The following FAM13B variants were observed in gnomAD, a reference collection of about 807,000 sequenced individuals.
FAM13B encodes family with sequence similarity 13 member B.
FAM13B carries 60 observed loss-of-function variants against 117.3 expected under a neutral mutation model. The ratio of observed to expected loss-of-function variants is 0.51; its 90% CI spans 0.42 to 0.63. The LOEUF is 0.63. FAM13B is among the 30% of genes least tolerant of loss of function. The pLI, the probability that FAM13B is intolerant of heterozygous loss-of-function variation, is 0.00. For synonymous variants in FAM13B, 332 were observed against 356.1 expected (o/e 0.93, Z 0.76); for missense variants, 972 against 1,091.9 (o/e 0.89, Z 1.55).
chr5:138,031,065 T>C (rs1789858194), intron 1 of FAM13B, among the ~76,000 whole-genome samples: 2 of 152,072 alleles, frequency 1.3e-5, no homozygotes, highest in South Asian at 4.1e-4. Context: ...TACACTATTA[T>C]AGTCCCCAAA....
upstream of FAM13B, among the ~76,000 whole-genome samples, chr5:138,037,813 C>T (rs17171718): frequency 0.12 from 18,072 of 152,046 alleles, 1,854 homozygotes; most frequent in East Asian, 0.57. Context: ...GCCAGAAAAG[C>T]CAAAAAGATA....
intron 10 of FAM13B, among the ~76,000 whole-genome samples, chr5:137,963,539 T>G (rs1768768455): frequency 1.3e-5 from 2 of 152,222 alleles, no homozygotes; most frequent in South Asian, 4.1e-4. Context: ...CTTTGGGATC[T>G]TCAATATTTT....
intron 13 of FAM13B, among the ~76,000 whole-genome samples, chr5:137,958,197 C>T (rs1056070014): frequency 6.6e-6 from 1 of 152,238 alleles, no homozygotes; most frequent in East Asian, 1.9e-4. Flanking sequence ...TAATCTTCAA[C>T]TGCCACCAGT....
intron 10 of FAM13B, among the ~76,000 whole-genome samples, chr5:137,984,736 G>A (rs4327592): frequency 0.98 from 149,244 of 152,188 alleles, 73,247 homozygotes; most frequent in Middle Eastern, 1. Context: ...CTGACATCAT[G>A]ATTTCTAGGA....
intron 3 of FAM13B, 129 bp downstream of exon 3, chr5:138,018,826 A>G (rs1323509844): frequency 1.3e-6 from 1 of 752,094 alleles, no homozygotes; most frequent in Non-Finnish European, 2.1e-6. Context: ...AACATTAAAA[A>G]GAATTTCTAG....
intron 7 of FAM13B, among the ~76,000 whole-genome samples, chr5:138,006,161 T>G (rs1782513877): frequency 6.6e-6 from 1 of 152,122 alleles, no homozygotes. Context: ...CCTCCCAAAG[T>G]GCTGAGATTA....
intron 13 of FAM13B, among the ~76,000 whole-genome samples, chr5:137,959,126 C>T (rs538330282): frequency 6.6e-6 from 1 of 152,276 alleles, no homozygotes; most frequent in Admixed American, 6.5e-5. Context: ...GTCCCCTGCA[C>T]CATACCTTCA....
At chr5:137,948,733 T>C (rs1764109937) in intron 18 of FAM13B, among the ~76,000 whole-genome samples, 1 of 152,194 alleles carries the variant, frequency 6.6e-6, no homozygotes, top group Non-Finnish European at 1.5e-5. Flanking sequence ...CCAACATAAA[T>C]GAACTCATCA....
intron 7 of FAM13B, 147 bp downstream of exon 7, chr5:138,006,843 C>A: frequency 1.5e-6 from 1 of 668,002 alleles, no homozygotes; most frequent in South Asian, 3.2e-5. Flanking sequence ...AGCAAGACTG[C>A]ATCTTTAAAT....
intron 6 of FAM13B, among the ~76,000 whole-genome samples, chr5:138,008,235 G>A (rs901991130): frequency 6.6e-6 from 1 of 152,116 alleles, no homozygotes; most frequent in Non-Finnish European, 1.5e-5. Context: ...GAACCCAGGA[G>A]TTCCAGACCA....
chr5:137,968,059 T>C (rs1467163552), intron 10 of FAM13B, among the ~76,000 whole-genome samples: 1 of 151,372 alleles, frequency 6.6e-6, no homozygotes, highest in Non-Finnish European at 1.5e-5. Context: ...CCGTCTCTAC[T>C]AAAAATACAA....
chr5:138,046,839 C>T lies in FAM13B; in HGVS notation c.-203+5039G>A, dbSNP rs374316990. ...TCAGCTCACTGCAATCTCTGCCTCC[C>T]GGGTTCAAGGAATTCTCTGCCTCAG... On this transcript the variant is annotated intron_variant, in intron 1 of 3. Transcript: ENST00000502471. Among the ~76,000 whole-genome samples the T allele has an allele frequency of 6.4e-4, 98 of 152,132 alleles. 2 individuals carry two copies. The East Asian group carries it at 0.016, about 25-fold the overall frequency.
chr5:138,030,570 G>A (rs1323216511), intron 1 of FAM13B, among the ~76,000 whole-genome samples: 1 of 151,958 alleles, frequency 6.6e-6, no homozygotes, highest in Admixed American at 6.6e-5. Context: ...TTCATTTTGT[G>A]TTTGTTTAAT....
At chr5:138,011,589 T>G (rs1784035688) in intron 5 of FAM13B, among the ~76,000 whole-genome samples, 179 bp downstream of exon 5, 1 of 152,044 alleles carries the variant, frequency 6.6e-6, no homozygotes, top group Non-Finnish European at 1.5e-5. Context: ...CCAGCTAGTT[T>G]TTTTATTTTT....
intron 7 of FAM13B, among the ~76,000 whole-genome samples, chr5:137,988,814 C>T (rs1301032046): frequency 2.0e-5 from 3 of 152,204 alleles, no homozygotes; most frequent in African/African-American, 4.8e-5. Context: ...GAGCACCTCT[C>T]ACAGATGATG....
At chr5:138,013,753 C>T (rs1784609080) in intron 4 of FAM13B, among the ~76,000 whole-genome samples, 2 of 152,066 alleles carry the variant, frequency 1.3e-5, no homozygotes, top group Admixed American at 1.3e-4. Context: ...TTATAGAAAT[C>T]ACATATCAAA....
chr5:137,940,088 A>G lies in FAM13B; in HGVS notation c.*137T>C. 6.2e-7 allele frequency: 1 copy of G among 1,614,138 alleles called. No individual in the cohort carries two copies. Among genetic ancestry groups the G allele is most frequent in the African/African-American group, 1.3e-5 (1 of 75,058 alleles). On this transcript the variant is annotated 3_prime_UTR_variant, in exon 24 of 24. Coordinates refer to ENST00000689681, the MANE Select transcript of FAM13B (RefSeq NM_001385994.1). Reference sequence around the variant, plus strand: ...TACTCTCCCATCATTTGTTTTGTTTAGTGGCACCACAACCAAGTACAAAAT... The same window carrying G: ...TACTCTCCCATCATTTGTTTTGTTTGGTGGCACCACAACCAAGTACAAAAT...
intron 9 of FAM13B, among the ~76,000 whole-genome samples, chr5:137,986,600 A>T (rs1006514347): frequency 6.6e-6 from 1 of 152,224 alleles, no homozygotes; most frequent in East Asian, 1.9e-4. Flanking sequence ...ATCATGCATT[A>T]TAAGTACTTT....
In FAM13B at chr5:137,985,188, T is replaced by G. The variant is rs1188573885; in HGVS notation, c.1179+69A>C. ...ATCAGCAAAATACTGAACTATAACTTCTGGCATCAAAGAAACACATGAAGC... is the reference window on the plus strand; with the variant it reads ...ATCAGCAAAATACTGAACTATAACTGCTGGCATCAAAGAAACACATGAAGC... On this transcript the variant is annotated intron_variant, in intron 10 of 23. Coordinates refer to ENST00000689681, the MANE Select transcript of FAM13B (RefSeq NM_001385994.1). The G allele has an allele frequency of 5.4e-6, 8 of 1,479,492 alleles. No homozygotes were observed. In the East Asian group the frequency reaches 1.8e-4, roughly 34 times the overall value. The allele number at this position is 1,479,492 out of a possible 1,614,324, so 91.6% of individuals were successfully genotyped here.
Sources: allele counts gnomAD v4.1 joint callset (sites outside exome capture counted in the v4.1 genomes callset), GRCh38; gene constraint gnomAD v4.1.1; transcripts MANE v1.5; gene names NCBI Gene and HGNC (gene_info 2026-07-23, HGNC 2026-07-21).